Variants in PLCH1 observed in about 807,000 individuals in gnomAD.
The protein encoded by PLCH1 is phospholipase C eta 1.
A neutral mutation model predicts 126.7 loss-of-function variants in PLCH1; 60 were observed. That is an observed-to-expected ratio of 0.47 (90% CI 0.38 to 0.59). The LOEUF is 0.59. PLCH1 is among the 20% of genes least tolerant of loss of function. The pLI is 0.00. For synonymous variants in PLCH1, 719 were observed against 734.9 expected, an observed-to-expected ratio of 0.98 and a Z score of 0.35; for missense variants, 1,723 against 2,040.0, an observed-to-expected ratio of 0.84 and a Z score of 2.99.
At chr3:155,622,620 G>C (rs1736666352) in intron 2 of PLCH1, among the ~76,000 whole-genome samples, 1 of 149,780 alleles carries the variant, frequency 6.7e-6, no homozygotes, top group Admixed American at 6.6e-5. Context: ...TGCAATCCTA[G>C]TCTTCAATAA....
At chr3:155,688,869 T>A (rs980395333) in intron 2 of PLCH1, among the ~76,000 whole-genome samples, 9 of 152,196 alleles carry the variant, frequency 5.9e-5, no homozygotes, top group Non-Finnish European at 1.2e-4. Flanking sequence ...AGTGCCAGCT[T>A]AGCCGCTGTA....
At chr3:155,469,059 A>G (rs1328819225) in intron 21 of PLCH1, among the ~76,000 whole-genome samples, 2 of 152,166 alleles carry the variant, frequency 1.3e-5, no homozygotes. Context: ...AAATTGGAAT[A>G]ATAGGGGGAG....
intron 2 of PLCH1, among the ~76,000 whole-genome samples, chr3:155,698,167 C>A (rs2109063594): frequency 6.6e-6 from 1 of 152,292 alleles, no homozygotes; most frequent in African/African-American, 2.4e-5. Context: ...TTTTCTGAAG[C>A]ATTCACTGAA....
intron 21 of PLCH1, chr3:155,457,875 G>C (rs1454358703): frequency 6.6e-6 from 1 of 152,254 alleles, no homozygotes; most frequent in Non-Finnish European, 1.5e-5. Flanking sequence ...CCCCGCCAGA[G>C]CAGCCTCAGC....
In PLCH1 at chr3:155,593,727, T is replaced by C. The variant is rs1732504985; in HGVS notation, c.470+214A>G. Reference sequence around the variant, plus strand: ...ATTCGGTCTCTTTAAAGAATTTTGCTCCTGAGTTCATACAAGCTTAAGTGT... The same window carrying C: ...ATTCGGTCTCTTTAAAGAATTTTGCCCCTGAGTTCATACAAGCTTAAGTGT... On this transcript the variant is annotated intron_variant, in intron 4 of 22. Transcript: ENST00000460012. Among the ~76,000 whole-genome samples, 3 of 152,172 alleles carry C rather than the reference T, an allele frequency of 2.0e-5. No homozygotes were observed. In the South Asian group the frequency reaches 6.2e-4, roughly 32 times the overall value.
In PLCH1 at chr3:155,492,868, G is replaced by C. The variant is rs374724429; in HGVS notation, c.2183-15C>G. 9 of 1,563,722 alleles carry C rather than the reference G, an allele frequency of 5.8e-6. No homozygotes were observed. The highest frequency in any genetic ancestry group is 6.9e-6 in the Non-Finnish European group (8 of 1,158,154). On this transcript the variant is annotated splice_polypyrimidine_tract_variant and intron_variant, in intron 17 of 22. Coordinates refer to ENST00000460012, the MANE Select transcript of PLCH1 (RefSeq NM_014996.4). ...GTTGAAAGTACCTAGGCCAAGTAAA[G>C]TATAAGTTGGTAACATAAGAAGAAA...
chr3:155,598,179 T>G (rs576347684), intron 2 of PLCH1, among the ~76,000 whole-genome samples: 1 of 151,166 alleles, frequency 6.6e-6, no homozygotes, highest in South Asian at 2.1e-4. Flanking sequence ...AGCAAAACTT[T>G]GCCTCAAAAA....
intron 2 of PLCH1, among the ~76,000 whole-genome samples, chr3:155,694,347 C>A (rs933107359): frequency 2.0e-5 from 3 of 152,120 alleles, no homozygotes; most frequent in Admixed American, 6.5e-5. Context: ...TTTGTTTTAT[C>A]CCCAGGTGAT....
intron 10 of PLCH1, among the ~76,000 whole-genome samples, chr3:155,539,085 C>T (rs1390964430): frequency 6.6e-6 from 1 of 151,972 alleles, no homozygotes; most frequent in Non-Finnish European, 1.5e-5. Context: ...ACCAAGGATG[C>T]AGGGATGGTT....
chr3:155,696,324 T>G (rs1232825464), intron 2 of PLCH1, among the ~76,000 whole-genome samples: 1 of 152,188 alleles, frequency 6.6e-6, no homozygotes, highest in East Asian at 1.9e-4. Context: ...GTTTTTCAAC[T>G]TTCTTTTGAT....
chr3:155,658,251 G>A, intron 2 of PLCH1: 1 of 216,388 alleles, frequency 4.6e-6, no homozygotes, highest in Non-Finnish European at 9.8e-6. Context: ...ACAGGCAAGA[G>A]GGTGGCTTTC....
At chr3:155,735,206 G>A (rs929175936) in intron 1 of PLCH1, among the ~76,000 whole-genome samples, 89 of 152,194 alleles carry the variant, frequency 5.8e-4, no homozygotes, top group East Asian at 1.5e-3. Context: ...CAGGGACTGC[G>A]ATGTGACTGG....
intron 2 of PLCH1, among the ~76,000 whole-genome samples, chr3:155,614,632 T>C (rs1735559258): frequency 6.6e-6 from 1 of 152,094 alleles, no homozygotes; most frequent in Non-Finnish European, 1.5e-5. Context: ...GAAAGCCAAA[T>C]ATTTACAGCC....
intron 2 of PLCH1, among the ~76,000 whole-genome samples, chr3:155,610,364 GAAAAAAAAAAAAA>G (rs569174791): frequency 4.3e-4 from 17 of 39,456 alleles, no homozygotes; most frequent in Admixed American, 1.4e-3. Flanking sequence ...TGCGTCTGGA[GAAAAAAAAAAAAA>G]AAAAAAAAAA....
chr3:155,539,879 G>GAA (rs1015608169), intron 10 of PLCH1, among the ~76,000 whole-genome samples: 1 of 151,438 alleles, frequency 6.6e-6, no homozygotes, highest in Non-Finnish European at 1.5e-5. Flanking sequence ...CACAAAACTG[G>GAA]AAAAAAAATC....
intron 2 of PLCH1, among the ~76,000 whole-genome samples, chr3:155,639,848 C>A (rs761717155): frequency 2.0e-4 from 30 of 152,166 alleles, no homozygotes; most frequent in Non-Finnish European, 4.4e-5. Flanking sequence ...GATATCCCCC[C>A]CTGCTGTTCT....
chr3:155,710,987 TA>T (rs397874581), intron 1 of PLCH1, among the ~76,000 whole-genome samples: 4 of 143,366 alleles, frequency 2.8e-5, no homozygotes, highest in African/African-American at 1.1e-4. Flanking sequence ...TTTTTTTTTT[TA>T]ACACAAATTA....
At chr3:155,650,318 T>C (rs1313971450) in intron 2 of PLCH1, among the ~76,000 whole-genome samples, 1 of 152,166 alleles carries the variant, frequency 6.6e-6, no homozygotes, top group African/African-American at 2.4e-5. Context: ...ATCCATGCCC[T>C]TGCTACTAAA....
At chr3:155,505,799 G>A (rs549631003) in intron 12 of PLCH1, among the ~76,000 whole-genome samples, 1 of 152,152 alleles carries the variant, frequency 6.6e-6, no homozygotes, top group African/African-American at 2.4e-5. Context: ...AGCTGGATGT[G>A]ATCATAGACA....
Sources: allele counts gnomAD v4.1 joint callset (sites outside exome capture counted in the v4.1 genomes callset), GRCh38; gene constraint gnomAD v4.1.1; transcripts MANE v1.5; gene names NCBI Gene and HGNC (gene_info 2026-07-23, HGNC 2026-07-21).